AGBL1: variants seen among roughly 807,000 people sequenced by gnomAD.
AGBL1 encodes the protein cytosolic carboxypeptidase 4.
In AGBL1, 130 loss-of-function variants were observed where a neutral mutation model predicts 118.9. The observed-to-expected ratio is 1.09, with a 90% confidence interval of 0.95 to 1.26. AGBL1 has a LOEUF of 1.26. Among genes scored for constraint, AGBL1 ranks in the 50% most tolerant of loss-of-function variants. The pLI is 0.00. For synonymous variants in AGBL1, 555 were observed against 478.9 expected (o/e 1.16, Z -2.08); for missense variants, 1,584 against 1,298.1 (o/e 1.22, Z -3.38).
At chr15:86,563,093 A>G (rs1359323278) in intron 21 of AGBL1, among the ~76,000 whole-genome samples, 1 of 152,048 alleles carries the variant, frequency 6.6e-6, no homozygotes, top group Non-Finnish European at 1.5e-5. Flanking sequence ...TCCAAAAACC[A>G]GCTCCTGGAT....
At chr15:86,621,736 T>C (rs1398324311) in intron 21 of AGBL1, among the ~76,000 whole-genome samples, 1 of 152,240 alleles carries the variant, frequency 6.6e-6, no homozygotes, top group East Asian at 1.9e-4. Context: ...ATAGCCTTAG[T>C]CAAGTTATTT....
chr15:86,277,716 G>A (rs931090943), intron 15 of AGBL1, among the ~76,000 whole-genome samples: 6 of 152,116 alleles, frequency 3.9e-5, no homozygotes, highest in Admixed American at 2.0e-4. Context: ...CTGGCCCTTC[G>A]GGACACCTAT....
At chr15:87,018,612 C>A (rs2081631302) in intron 24 of AGBL1, among the ~76,000 whole-genome samples, 1 of 152,046 alleles carries the variant, frequency 6.6e-6, no homozygotes, top group African/African-American at 2.4e-5. Context: ...CTGAAGGAAG[C>A]ACTAAATATG....
At chr15:86,585,934 A>C (rs1354134119) in intron 21 of AGBL1, among the ~76,000 whole-genome samples, 2 of 152,318 alleles carry the variant, frequency 1.3e-5, no homozygotes, top group East Asian at 3.9e-4. Flanking sequence ...GAAGAAAATG[A>C]TTAAGAATAC....
chr15:86,473,080 T>C (rs780939027), intron 18 of AGBL1, among the ~76,000 whole-genome samples: 1 of 152,234 alleles, frequency 6.6e-6, no homozygotes, highest in Non-Finnish European at 1.5e-5. Context: ...AATGTTACTT[T>C]AAAATATCAT....
At chr15:86,400,816 A>G (rs10852075) in intron 18 of AGBL1, among the ~76,000 whole-genome samples, 35,046 of 151,948 alleles carry the variant, frequency 0.23, 4,741 homozygotes, top group East Asian at 0.62. Context: ...GCTGATATAT[A>G]TATATATATG....
intron 22 of AGBL1, among the ~76,000 whole-genome samples, chr15:86,757,666 T>A (rs2077961090): frequency 6.6e-6 from 1 of 152,120 alleles, no homozygotes; most frequent in African/African-American, 2.4e-5. Flanking sequence ...CACCCTTTTT[T>A]GTCATTTTCT....
intron 1 of AGBL1, chr15:86,140,364 G>A (rs576788831): frequency 1.3e-5 from 2 of 152,046 alleles, no homozygotes; most frequent in East Asian, 1.9e-4. Flanking sequence ...GGCTGGGACT[G>A]AAGAAAGTGT....
chr15:86,414,910 A>G (rs571849576), intron 18 of AGBL1, among the ~76,000 whole-genome samples: 5 of 152,296 alleles, frequency 3.3e-5, no homozygotes, highest in African/African-American at 1.2e-4. Flanking sequence ...GACCTTGGAC[A>G]AGAAACTTGT....
chr15:86,358,976 T>G (rs867021887), intron 17 of AGBL1, among the ~76,000 whole-genome samples: 4 of 152,010 alleles, frequency 2.6e-5, no homozygotes, highest in African/African-American at 9.6e-5. Context: ...TTTTGTAGGT[T>G]GCTTACTCCA....
At chr15:86,791,728 T>TTATATATATATATATATATATA (rs3059670) in intron 22 of AGBL1, among the ~76,000 whole-genome samples, 6 of 142,874 alleles carry the variant, frequency 4.2e-5, no homozygotes, top group African/African-American at 1.5e-4. Flanking sequence ...TCCTTGTTTT[T>TTATATATATATATATATATATA]TATATATATA....
At chr15:86,540,133 C>G (rs1180095140) in intron 19 of AGBL1, among the ~76,000 whole-genome samples, 1 of 152,064 alleles carries the variant, frequency 6.6e-6, no homozygotes, top group Non-Finnish European at 1.5e-5. Flanking sequence ...ATGGGATAAT[C>G]TAGATTAAAT....
intron 5 of AGBL1, among the ~76,000 whole-genome samples, chr15:86,164,104 C>T (rs929955078): frequency 1.3e-5 from 2 of 152,204 alleles, no homozygotes; most frequent in African/African-American, 4.8e-5. Flanking sequence ...TTAGAGTTGT[C>T]TGGGGGAACC....
At chr15:86,348,765 G>A (rs953932836) in intron 17 of AGBL1, among the ~76,000 whole-genome samples, 95 of 139,256 alleles carry the variant, frequency 6.8e-4, no homozygotes, top group African/African-American at 2.6e-3. Flanking sequence ...GTGACAGAGC[G>A]CGACTGTCTC....
At position 86,714,997 on chromosome 15, in the gene AGBL1, A is replaced by G. The variant is rs2086616552; in HGVS notation, c.3158+40561A>G. Among the ~76,000 whole-genome samples the G allele has an allele frequency of 1.3e-5, 2 of 152,172 alleles. 1 individual carries two copies. Among genetic ancestry groups the G allele is most frequent in the South Asian group, 4.1e-4 (2 of 4,828 alleles). On this transcript the variant is annotated intron_variant, in intron 22 of 22. Coordinates refer to ENST00000614907, the MANE Select transcript of AGBL1 (RefSeq NM_001386094.1). ...TCAAATAAAGTTAAGTACTTTAATGATCTTCCGTATGACCTTCCTCCTCAT... is the reference window on the plus strand; with the variant it reads ...TCAAATAAAGTTAAGTACTTTAATGGTCTTCCGTATGACCTTCCTCCTCAT...
intron 1 of AGBL1, among the ~76,000 whole-genome samples, chr15:86,109,132 GGTATAC>G: frequency 6.6e-6 from 1 of 152,184 alleles, no homozygotes; most frequent in East Asian, 1.9e-4. Context: ...ACAACTCCTT[GGTATAC>G]TTGGTAGGTA....
intron 1 of AGBL1, among the ~76,000 whole-genome samples, chr15:86,108,351 A>G (rs896845646): frequency 1.3e-5 from 2 of 152,228 alleles, no homozygotes; most frequent in African/African-American, 4.8e-5. Context: ...TCTTCAAACT[A>G]TTTATATAAA....
intron 21 of AGBL1, among the ~76,000 whole-genome samples, chr15:86,653,261 AG>A (rs1477067185): frequency 6.6e-6 from 1 of 152,070 alleles, no homozygotes; most frequent in Non-Finnish European, 1.5e-5. Context: ...CTCCACACCA[AG>A]TCAATAGTCT....
chr15:86,638,502 A>G (rs1473860374), intron 21 of AGBL1, among the ~76,000 whole-genome samples: 1 of 152,136 alleles, frequency 6.6e-6, no homozygotes, highest in Non-Finnish European at 1.5e-5. Context: ...GTTGAGGACC[A>G]AGCAGTTGCT....
Sources: allele counts gnomAD v4.1 joint callset (sites outside exome capture counted in the v4.1 genomes callset), GRCh38; gene constraint gnomAD v4.1.1; transcripts MANE v1.5; gene names NCBI Gene and HGNC (gene_info 2026-07-23, HGNC 2026-07-21).